Variants in TEX9 observed in about 807,000 individuals in gnomAD.
The protein encoded by TEX9 is testis expressed 9.
Under a neutral mutation model 59.6 loss-of-function variants are expected in TEX9, and 74 were observed. That is an observed-to-expected ratio of 1.24 (90% CI 1.03 to 1.51). TEX9 has a LOEUF of 1.51. Ranked by LOEUF, TEX9 falls within the 40% of genes most tolerant of loss-of-function variation. The probability of loss-of-function intolerance (pLI) is 0.00; values close to 1 mark genes in which losing one functional copy is unlikely to be tolerated. For missense variants in TEX9, 522 were observed against 447.8 expected, an observed-to-expected ratio of 1.17 and a Z score of -1.49; for synonymous variants, 186 against 152.2, an observed-to-expected ratio of 1.22 and a Z score of -1.64.
intron 1 of TEX9, among the ~76,000 whole-genome samples, chr15:56,319,145 A>G (rs772650033): frequency 6.6e-6 from 1 of 151,930 alleles, no homozygotes; most frequent in African/African-American, 2.4e-5. Context: ...GTATTATCCT[A>G]TTATCACTAT....
At chr15:56,390,557 T>A (rs1188497827) in intron 6 of TEX9, among the ~76,000 whole-genome samples, 1 of 152,068 alleles carries the variant, frequency 6.6e-6, no homozygotes, top group Non-Finnish European at 1.5e-5. Context: ...ACCATAAATT[T>A]GTTGATGTGT....
chr15:56,388,183 GATAGCCCACAATTACTCTT>G (rs1229461388), intron 4 of TEX9, among the ~76,000 whole-genome samples: 27 of 152,030 alleles, frequency 1.8e-4, no homozygotes, highest in African/African-American at 6.5e-4. Flanking sequence ...AATTGCTGTG[GATAGCCCACAATTACTCTT>G]TATGATTTCC....
At chr15:56,452,402 C>T in the TEX9 span, among the ~76,000 whole-genome samples, 1 of 152,150 alleles carries the variant, frequency 6.6e-6, no homozygotes, top group Non-Finnish European at 1.5e-5. Flanking sequence ...ACTCAGTGCT[C>T]TGGGTTCTTA....
At chr15:56,268,535 G>C (rs1011285904) in intron 1 of TEX9, among the ~76,000 whole-genome samples, 6 of 152,196 alleles carry the variant, frequency 3.9e-5, no homozygotes, top group African/African-American at 1.2e-4. Flanking sequence ...TTAGCATGAA[G>C]AGCTGTTAAA....
intron 10 of TEX9, among the ~76,000 whole-genome samples, chr15:56,421,218 C>T (rs1038380737): frequency 4.0e-5 from 6 of 151,848 alleles, no homozygotes; most frequent in Admixed American, 1.3e-4. Flanking sequence ...TATTTTGAGA[C>T]TTGGTTATTA....
chr15:56,451,043 G>A, the TEX9 span, among the ~76,000 whole-genome samples: 3 of 152,112 alleles, frequency 2.0e-5, no homozygotes, highest in Admixed American at 6.5e-5. Flanking sequence ...TTAGAGAAAC[G>A]TCTAAGTTCT....
rs1567150952 is a variant in TEX9, at chr15:56,443,492, C to G, written c.*30-2179C>G. On this transcript the variant is annotated intron_variant, in intron 12 of 12. Coordinates refer to ENST00000352903, the Ensembl canonical transcript of TEX9. ...TGGTATAATTCTTGTCGCACTTGTT[C>G]CAAATCTTCACGTTGCCGCAGCATT... The G allele has an allele frequency of 1.9e-6, 3 of 1,600,730 alleles. No individual in the cohort carries two copies. The highest frequency in any genetic ancestry group is 1.3e-5 in the African/African-American group (1 of 74,260).
chr15:56,338,127 G>A (rs1429453864), intron 1 of TEX9, among the ~76,000 whole-genome samples: 4 of 152,166 alleles, frequency 2.6e-5, no homozygotes, highest in African/African-American at 9.7e-5. Context: ...AAAGTTTAGT[G>A]AGACTCTTAT....
chr15:56,321,387 C>A (rs149409895), intron 1 of TEX9, among the ~76,000 whole-genome samples: 134 of 152,286 alleles, frequency 8.8e-4, no homozygotes, highest in African/African-American at 3.2e-3. Context: ...AGACTGGGAA[C>A]TTCAGGAACT....
chr15:56,305,433 C>T (rs2045457494), intron 1 of TEX9, among the ~76,000 whole-genome samples: 1 of 151,948 alleles, frequency 6.6e-6, no homozygotes. Flanking sequence ...GACACATAGA[C>T]CAAAGAAACA....
At chr15:56,428,373 A>G in exon 12 of TEX9, 1 of 1,611,112 alleles carries the variant, frequency 6.2e-7, no homozygotes, top group Non-Finnish European at 8.5e-7. Context: ...ACAGATGCAT[A>G]TTGAAGCTGC....
chr15:56,301,171 TAAAA>T (rs1182963180), intron 1 of TEX9, among the ~76,000 whole-genome samples: 1 of 152,042 alleles, frequency 6.6e-6, no homozygotes, highest in Non-Finnish European at 1.5e-5. Context: ...ATTTGATAAT[TAAAA>T]AGAATCAAGC....
At chr15:56,298,166 A>G (rs2045260589) in intron 1 of TEX9, among the ~76,000 whole-genome samples, 1 of 152,216 alleles carries the variant, frequency 6.6e-6, no homozygotes. Flanking sequence ...TTTACAAAAA[A>G]GTATTTGAGA....
chr15:56,346,266 G>A (rs527880634), intron 1 of TEX9, among the ~76,000 whole-genome samples: 1 of 152,150 alleles, frequency 6.6e-6, no homozygotes, highest in Non-Finnish European at 1.5e-5. Context: ...CAGGGAGTGA[G>A]CTCAAGTATG....
chr15:56,389,245 G>T, intron 5 of TEX9, 73 bp from the exon 6 acceptor site: 1 of 1,156,040 alleles, frequency 8.7e-7, no homozygotes, highest in African/African-American at 1.5e-5. Flanking sequence ...AAAATTCTAT[G>T]TGTTACAGAA....
chr15:56,433,837 A>G (rs973067865), intron 12 of TEX9, among the ~76,000 whole-genome samples: 3 of 152,188 alleles, frequency 2.0e-5, no homozygotes, highest in Admixed American at 6.5e-5. Flanking sequence ...TATCACATGT[A>G]CATGACATAT....
At chr15:56,422,284 C>G (rs923621914) in intron 10 of TEX9, among the ~76,000 whole-genome samples, 2 of 151,382 alleles carry the variant, frequency 1.3e-5, no homozygotes, top group Admixed American at 1.3e-4. Flanking sequence ...ATAAAAAAAT[C>G]CAATCTGACA....
At chr15:56,358,464 G>T (rs1402174) in intron 1 of TEX9, among the ~76,000 whole-genome samples, 2 of 151,246 alleles carry the variant, frequency 1.3e-5, no homozygotes, top group Non-Finnish European at 2.9e-5. Context: ...TAATTTTTTA[G>T]AAGTTTTACA....
chr15:56,421,022 G>C (rs890133178), intron 10 of TEX9, among the ~76,000 whole-genome samples: 1 of 151,786 alleles, frequency 6.6e-6, no homozygotes, highest in African/African-American at 2.4e-5. Context: ...TTCTGTATTT[G>C]TTAGGTGGAG....
Sources: gnomAD v4.1 joint callset for allele counts (sites outside exome capture counted in the v4.1 genomes callset) on GRCh38, gnomAD v4.1.1 for gene constraint, MANE v1.5 for transcripts, NCBI Gene and HGNC (gene_info 2026-07-23, HGNC 2026-07-21) for gene names.